XRCC4: variants seen among roughly 807,000 people sequenced by gnomAD.
The protein encoded by XRCC4 is DNA repair protein XRCC4.
Under a neutral mutation model 39.1 loss-of-function variants are expected in XRCC4, and 28 were observed. The ratio of observed to expected loss-of-function variants is 0.72; its 90% confidence interval spans 0.53 to 0.98. The LOEUF is 0.98. XRCC4 is among the 50% of genes least tolerant of loss of function. XRCC4 has a pLI of 0.00. For missense variants in XRCC4, 350 were observed against 376.4 expected (o/e 0.93, Z 0.58); for synonymous variants, 123 against 126.4 (o/e 0.97, Z 0.18).
At chr5:83,091,262 T>TA (rs1745412067) in intron 1 of XRCC4, among the ~76,000 whole-genome samples, 1 of 152,130 alleles carries the variant, frequency 6.6e-6, no homozygotes, top group African/African-American at 2.4e-5. Flanking sequence ...TCAGGAAACT[T>TA]ACAATCATGG....
intron 3 of XRCC4, among the ~76,000 whole-genome samples, chr5:83,177,038 A>G (rs549506864): frequency 4.4e-4 from 67 of 152,282 alleles, no homozygotes; most frequent in South Asian, 3.3e-3. Flanking sequence ...AGCATATATG[A>G]TAGACATGAG....
chr5:83,132,869 T>C (rs961614366), intron 3 of XRCC4, among the ~76,000 whole-genome samples: 12 of 152,198 alleles, frequency 7.9e-5, no homozygotes, highest in African/African-American at 2.4e-5. Context: ...ACCGATCATC[T>C]GAAGCCTTCT....
At chr5:83,167,637 G>A (rs1211052818) in intron 3 of XRCC4, among the ~76,000 whole-genome samples, 1 of 152,146 alleles carries the variant, frequency 6.6e-6, no homozygotes, top group Non-Finnish European at 1.5e-5. Context: ...GTTTGGTGGA[G>A]GAGGAGGAGA....
intron 3 of XRCC4, among the ~76,000 whole-genome samples, chr5:83,141,769 T>G (rs772145470): frequency 4.6e-5 from 7 of 152,138 alleles, no homozygotes; most frequent in African/African-American, 7.2e-5. Flanking sequence ...TTCATTGTGC[T>G]TCTTTGGTGT....
chr5:83,367,967 C>G, the XRCC4 span, among the ~76,000 whole-genome samples: 2,091 of 151,788 alleles, frequency 0.014, 46 homozygotes, highest in African/African-American at 0.047. Flanking sequence ...AGGTGTGGAA[C>G]TGGTTCAGAT....
chr5:83,272,520 C>G (rs1580451235), intron 7 of XRCC4, among the ~76,000 whole-genome samples: 1 of 152,254 alleles, frequency 6.6e-6, no homozygotes, highest in South Asian at 2.1e-4. Context: ...ATCAACCCAT[C>G]ATCTAGGTGT....
chr5:83,325,599 T>C (rs949227914), intron 7 of XRCC4, among the ~76,000 whole-genome samples: 4 of 152,134 alleles, frequency 2.6e-5, no homozygotes, highest in Non-Finnish European at 4.4e-5. Flanking sequence ...CTGAGGATAA[T>C]GGCTTCCAAC....
chr5:83,154,051 T>C (rs1748842108), intron 3 of XRCC4, among the ~76,000 whole-genome samples: 1 of 152,198 alleles, frequency 6.6e-6, no homozygotes, highest in Admixed American at 6.5e-5. Flanking sequence ...ATCTTTATCA[T>C]ACAGTTAAGG....
At chr5:83,255,443 G>T (rs1169303597) in intron 6 of XRCC4, among the ~76,000 whole-genome samples, 1 of 152,084 alleles carries the variant, frequency 6.6e-6, no homozygotes, top group Non-Finnish European at 1.5e-5. Flanking sequence ...CAATTTTATA[G>T]AAAGGTTAAA....
At chr5:83,276,306 A>G (rs896867948) in intron 7 of XRCC4, among the ~76,000 whole-genome samples, 9 of 152,132 alleles carry the variant, frequency 5.9e-5, no homozygotes, top group South Asian at 2.1e-4. Context: ...TGTTTGGTAG[A>G]TGGTATGGTT....
intron 1 of XRCC4, among the ~76,000 whole-genome samples, chr5:83,093,218 T>C (rs1286235802): frequency 6.6e-6 from 1 of 151,744 alleles, no homozygotes; most frequent in African/African-American, 2.4e-5. Flanking sequence ...AAGAAGAAAA[T>C]GAAGGCATTA....
the XRCC4 span, among the ~76,000 whole-genome samples, chr5:83,367,711 T>A: frequency 6.6e-6 from 1 of 151,196 alleles, no homozygotes. Context: ...GTGGAGAAGA[T>A]GGGAGAGGCT....
At chr5:83,307,184 T>C (rs1265911438) in intron 7 of XRCC4, among the ~76,000 whole-genome samples, 3 of 152,242 alleles carry the variant, frequency 2.0e-5, no homozygotes, top group Non-Finnish European at 4.4e-5. Context: ...GGAATTCTGA[T>C]GGGGTTTTTA....
rs370130104 is a variant in XRCC4 at position 83,152,404 on chromosome 5, C to T, written c.315+41201C>T. On this transcript the variant is annotated intron_variant, in intron 3 of 7. Coordinates refer to ENST00000396027, the MANE Select transcript of XRCC4 (RefSeq NM_003401.5). ...ATCCCAGCACTTTGGGAGGCCGAGG[C>T]GGGTGGATCACGAGGTCAGGGATTC... Among the ~76,000 whole-genome samples, 20 of 152,132 alleles carry T rather than the reference C, an allele frequency of 1.3e-4. No homozygotes were observed. The East Asian group carries it at 3.5e-3, about 26-fold the overall frequency.
At chr5:83,266,843 C>A (rs1753973412) in intron 7 of XRCC4, among the ~76,000 whole-genome samples, 1 of 152,016 alleles carries the variant, frequency 6.6e-6, no homozygotes, top group Non-Finnish European at 1.5e-5. Flanking sequence ...ATCATTACCA[C>A]CATTATTGAA....
chr5:83,081,661 A>T (rs1415334812), intron 1 of XRCC4, among the ~76,000 whole-genome samples: 1 of 152,170 alleles, frequency 6.6e-6, no homozygotes, highest in African/African-American at 2.4e-5. Flanking sequence ...AACATTTTTT[A>T]AAAAAAGAAG....
intron 3 of XRCC4, among the ~76,000 whole-genome samples, chr5:83,162,207 A>G (rs1001422487): frequency 6.6e-6 from 1 of 152,128 alleles, no homozygotes; most frequent in Admixed American, 6.5e-5. Context: ...ATAAAATAAA[A>G]TGTTATTCAA....
chr5:83,308,909 GA>G (rs1182221682), intron 7 of XRCC4, among the ~76,000 whole-genome samples: 2 of 151,814 alleles, frequency 1.3e-5, no homozygotes, highest in Admixed American at 1.3e-4. Context: ...ACTCGTGTAG[GA>G]ATTCATGACA....
In XRCC4 at chr5:83,077,563, T is replaced by G. The variant is rs566921876; in HGVS notation, c.-63T>G. 2.1e-4 allele frequency: 116 copies of G among 550,092 alleles called. No homozygotes were observed. The highest frequency in any genetic ancestry group is 3.5e-4 in the Non-Finnish European group (108 of 305,818). The allele number at this position is 550,092 out of a possible 1,614,324, so 34.1% of individuals were successfully genotyped here. A position where few individuals can be genotyped will look rare whatever the true frequency, so the allele number is the denominator to read the frequency against. Reference sequence around the variant, plus strand: ...GATACTCTCATTGGTTGCAAAACCTTGATCTGTGAAAGCGGGCGTTTTGGA... The same window carrying G: ...GATACTCTCATTGGTTGCAAAACCTGGATCTGTGAAAGCGGGCGTTTTGGA... On this transcript the variant is annotated 5_prime_UTR_variant, in exon 1 of 8. Coordinates refer to ENST00000396027, the MANE Select transcript of XRCC4 (RefSeq NM_003401.5).
Sources: allele counts gnomAD v4.1 joint callset (sites outside exome capture counted in the v4.1 genomes callset), GRCh38; gene constraint gnomAD v4.1.1; transcripts MANE v1.5; gene names NCBI Gene and HGNC (gene_info 2026-07-23, HGNC 2026-07-21).